The following TNPO1 variants were observed in gnomAD, a reference collection of about 807,000 sequenced individuals.
The protein encoded by TNPO1 is transportin 1, also known as transportin-1.
In TNPO1, 8 loss-of-function variants were observed where a neutral mutation model predicts 119.5. That is an observed-to-expected ratio of 0.07 (90% CI 0.04 to 0.12). The LOEUF (loss-of-function observed/expected upper bound fraction) is 0.12. Among genes scored for constraint, TNPO1 ranks in the 10% least tolerant of loss-of-function variants. TNPO1 has a pLI of 1.00. For synonymous variants in TNPO1, 362 were observed against 363.0 expected (o/e 1.00, Z 0.03); for missense variants, 576 against 1,089.8 (o/e 0.53, Z 6.64).
At position 72,908,963 on chromosome 5, in the gene TNPO1, A is replaced by T. The variant is rs761258866; in HGVS notation, c.*290A>T. On this transcript the variant is annotated 3_prime_UTR_variant, in exon 25 of 25. Transcript: ENST00000337273. ...TGAAGAAGCAAAAAAAAAAAAATCT[A>T]TTCAGTCTACTCACAAAACAGTACA... The T allele has an allele frequency of 4.5e-6, 2 of 447,474 alleles. No individual in the cohort carries two copies. Among genetic ancestry groups the T allele is most frequent in the Non-Finnish European group, 8.9e-6 (2 of 223,482 alleles). The allele number at this position is 447,474 out of a possible 1,614,324, so 27.7% of individuals were successfully genotyped here.
intron 1 of TNPO1, among the ~76,000 whole-genome samples, chr5:72,824,446 C>T (rs931261742): frequency 1.3e-5 from 2 of 152,220 alleles, no homozygotes; most frequent in Non-Finnish European, 2.9e-5. Context: ...ACAGAAACAG[C>T]TCCTCTGGTT....
intron 1 of TNPO1, among the ~76,000 whole-genome samples, chr5:72,846,553 ATGT>A (rs1745139625): frequency 6.6e-6 from 1 of 152,202 alleles, no homozygotes; most frequent in Non-Finnish European, 1.5e-5. Flanking sequence ...TTATACAACC[ATGT>A]TGTTTGATTT....
In TNPO1 at chr5:72,845,120, A is replaced by G. The variant is rs990157171; in HGVS notation, c.16-3265A>G. Among the ~76,000 whole-genome samples, 4 of 149,144 alleles carry G rather than the reference A, an allele frequency of 2.7e-5. No individual in the cohort carries two copies. The Admixed American group carries it at 2.7e-4, about 10-fold the overall frequency. On this transcript the variant is annotated intron_variant, in intron 1 of 24. Coordinates refer to ENST00000337273, the MANE Select transcript of TNPO1 (RefSeq NM_002270.4). ...ATTGAATGTCATGGGCCAATCAGGC[A>G]TAAGTTGTAAAGTTAATATTAGTGT...
chr5:72,877,838 A>G (rs1187264614), intron 9 of TNPO1, among the ~76,000 whole-genome samples: 1 of 152,110 alleles, frequency 6.6e-6, no homozygotes, highest in Non-Finnish European at 1.5e-5. Context: ...CTGAGTAATC[A>G]CTGGTAGTAT....
At position 72,855,754 on chromosome 5, in the gene TNPO1, C is replaced by T. The variant is rs771336352; in HGVS notation, c.206-20C>T. The T allele has an allele frequency of 6.4e-7, 1 of 1,573,028 alleles. No homozygotes were observed. The highest frequency in any genetic ancestry group is 8.6e-7 in the Non-Finnish European group (1 of 1,158,504). ...ATTAAGACTACTTCAAAACTCATTA[C>T]TATTACTATTTTATTACAGATGAAC... On this transcript the variant is annotated intron_variant, in intron 3 of 24. Transcript: ENST00000337273.
intron 8 of TNPO1, 85 bp from the exon 9 acceptor site, chr5:72,877,143 C>G: frequency 1.6e-6 from 1 of 616,690 alleles, no homozygotes; most frequent in Non-Finnish European, 2.6e-6. Context: ...ACCATAAGGT[C>G]AAAAGCTTGC....
intron 9 of TNPO1, among the ~76,000 whole-genome samples, chr5:72,878,149 T>C (rs1174352253): frequency 6.7e-6 from 1 of 150,362 alleles, no homozygotes; most frequent in African/African-American, 2.4e-5. Context: ...GTGTACGCTA[T>C]AGAGAGAGAG....
chr5:72,870,053 T>C (rs544808665), intron 6 of TNPO1, among the ~76,000 whole-genome samples: 1 of 152,208 alleles, frequency 6.6e-6, no homozygotes, highest in South Asian at 2.1e-4. Flanking sequence ...TTATAAATTC[T>C]ACAGTTGTCA....
At chr5:72,826,754 T>A (rs1418010240) in intron 1 of TNPO1, among the ~76,000 whole-genome samples, 1 of 152,240 alleles carries the variant, frequency 6.6e-6, no homozygotes, top group Admixed American at 6.5e-5. Context: ...TTTTTGTTTC[T>A]ACAGATACCT....
chr5:72,825,558 G>A (rs1435886326), intron 1 of TNPO1, among the ~76,000 whole-genome samples: 3 of 152,132 alleles, frequency 2.0e-5, no homozygotes, highest in East Asian at 1.9e-4. Flanking sequence ...GTGGTGGCAC[G>A]TGCCTGTAGT....
At chr5:72,896,170 T>C (rs1749415745) in intron 18 of TNPO1, among the ~76,000 whole-genome samples, 1 of 152,148 alleles carries the variant, frequency 6.6e-6, no homozygotes, top group South Asian at 2.1e-4. Context: ...GTATGTAAAA[T>C]ATACCCAAAC....
intron 23 of TNPO1, among the ~76,000 whole-genome samples, chr5:72,904,256 A>G (rs1749978383): frequency 6.6e-6 from 1 of 152,242 alleles, no homozygotes; most frequent in South Asian, 2.1e-4. Context: ...TTAGTGAACT[A>G]TAGTTTGTCG....
intron 1 of TNPO1, among the ~76,000 whole-genome samples, chr5:72,824,365 C>A (rs1461852019): frequency 6.6e-6 from 1 of 152,198 alleles, no homozygotes; most frequent in Non-Finnish European, 1.5e-5. Flanking sequence ...TCTGTACTTG[C>A]TATTGCCAAG....
At position 72,913,397 on chromosome 5, in the gene TNPO1, T is replaced by G. The variant is rs1235446084; in HGVS notation, c.*4724T>G. On this transcript the variant is annotated 3_prime_UTR_variant, in exon 25 of 25. Transcript: ENST00000337273. ...TAATTTTTAAGGTATACATTTAAAT[T>G]ACACAATTGTTCATTGTGGTTTGTA... The G allele has an allele frequency of 2.6e-5, 4 of 152,368 alleles. No individual in the cohort carries two copies. Among genetic ancestry groups the G allele is most frequent in the Admixed American group, 6.5e-5 (1 of 15,268 alleles). 9.4% of individuals were successfully genotyped at this position (152,368 alleles called of 1,614,324 possible). A position where few individuals can be genotyped will look rare whatever the true frequency, so the allele number is the denominator to read the frequency against.
At chr5:72,863,448 T>C (rs1746634335) in intron 5 of TNPO1, among the ~76,000 whole-genome samples, 1 of 151,594 alleles carries the variant, frequency 6.6e-6, no homozygotes, top group South Asian at 2.1e-4. Flanking sequence ...ATTGGCCAGG[T>C]GTGATGTGTG....
chr5:72,885,282 A>T (rs746576587), intron 11 of TNPO1, among the ~76,000 whole-genome samples: 17 of 152,238 alleles, frequency 1.1e-4, no homozygotes, highest in Non-Finnish European at 2.5e-4. Flanking sequence ...CCCAAGTCTC[A>T]CTTGTTAAGA....
At chr5:72,850,549 G>A (rs1745462516) in intron 2 of TNPO1, among the ~76,000 whole-genome samples, 1 of 150,938 alleles carries the variant, frequency 6.6e-6, no homozygotes, top group Non-Finnish European at 1.5e-5. Flanking sequence ...TGGGAAGCAT[G>A]TTAGTTAGGG....
chr5:72,864,535 C>G (rs1234083358), intron 5 of TNPO1, among the ~76,000 whole-genome samples: 1 of 152,164 alleles, frequency 6.6e-6, no homozygotes, highest in African/African-American at 2.4e-5. Flanking sequence ...CCTGCCCTTG[C>G]AACAGATTTT....
At chr5:72,860,844 T>A (rs548359516) in intron 4 of TNPO1, among the ~76,000 whole-genome samples, 1 of 152,308 alleles carries the variant, frequency 6.6e-6, no homozygotes, top group South Asian at 2.1e-4. Context: ...CATAAGTTTA[T>A]CACCCAGTGT....
Sources: allele counts gnomAD v4.1 joint callset (sites outside exome capture counted in the v4.1 genomes callset), GRCh38; gene constraint gnomAD v4.1.1; transcripts MANE v1.5; gene names NCBI Gene and HGNC (gene_info 2026-07-23, HGNC 2026-07-21).